Variants in CADPS2 observed in about 807,000 individuals in gnomAD.
The protein encoded by CADPS2 is calcium dependent secretion activator 2, also known as calcium-dependent secretion activator 2.
CADPS2 carries 93 observed loss-of-function variants against 172.5 expected under a neutral mutation model. The ratio of observed to expected loss-of-function variants is 0.54; its 90% CI spans 0.46 to 0.64. CADPS2 has a LOEUF of 0.64. Among genes scored for constraint, CADPS2 ranks in the 30% least tolerant of loss-of-function variants. The pLI is 0.00. For synonymous variants in CADPS2, 546 were observed against 555.2 expected, an observed-to-expected ratio of 0.98 and a Z score of 0.23; for missense variants, 1,420 against 1,565.9, an observed-to-expected ratio of 0.91 and a Z score of 1.57.
At chr7:122,435,508 A>G (rs2050519373) in intron 17 of CADPS2, among the ~76,000 whole-genome samples, 1 of 152,098 alleles carries the variant, frequency 6.6e-6, no homozygotes. Context: ...CAAACAAACA[A>G]AACAAGAGAT....
chr7:122,756,140 T>C (rs567643342), intron 1 of CADPS2, among the ~76,000 whole-genome samples: 15 of 152,200 alleles, frequency 9.9e-5, no homozygotes, highest in Non-Finnish European at 1.9e-4. Flanking sequence ...TTCAGATTCA[T>C]TGAATAGTTA....
At chr7:122,744,511 A>G (rs1425443667) in intron 1 of CADPS2, among the ~76,000 whole-genome samples, 1 of 152,104 alleles carries the variant, frequency 6.6e-6, no homozygotes, top group Admixed American at 6.6e-5. Flanking sequence ...TCATATGAAA[A>G]ACTCCTTATC....
chr7:122,766,767 T>C (rs896244276), intron 1 of CADPS2, among the ~76,000 whole-genome samples: 1 of 152,154 alleles, frequency 6.6e-6, no homozygotes, highest in Non-Finnish European at 1.5e-5. Context: ...CAGCAGATCA[T>C]GACATCATAG....
intron 3 of CADPS2, among the ~76,000 whole-genome samples, chr7:122,631,612 C>G (rs893130178): frequency 6.6e-6 from 1 of 151,788 alleles, no homozygotes; most frequent in Admixed American, 6.6e-5. Context: ...GACTTGATCA[C>G]ATTTGTCTGA....
chr7:122,649,847 G>A (rs2078947677), intron 3 of CADPS2, among the ~76,000 whole-genome samples: 1 of 132,346 alleles, frequency 7.6e-6, no homozygotes, highest in Non-Finnish European at 1.6e-5. Context: ...TGTCATTTAT[G>A]TATTTTCACT....
In CADPS2 at chr7:122,653,474, T is replaced by A. The variant is rs1305151888; in HGVS notation, c.786+9763A>T. ...TTCCTTTCTATAAAGAACAGGCTAGTTTCTGTGATTTCTATTGCTTTGCCT... is the reference window on the plus strand; with the variant it reads ...TTCCTTTCTATAAAGAACAGGCTAGATTCTGTGATTTCTATTGCTTTGCCT... On this transcript the variant is annotated intron_variant, in intron 3 of 29. Transcript: ENST00000449022. Among the ~76,000 whole-genome samples, 6 of 152,222 alleles carry A rather than the reference T, an allele frequency of 3.9e-5. No homozygotes were observed. In the East Asian group the frequency reaches 1.2e-3, roughly 29 times the overall value.
At chr7:122,661,811 T>G (rs1039373110) in intron 3 of CADPS2, among the ~76,000 whole-genome samples, 2 of 152,226 alleles carry the variant, frequency 1.3e-5, no homozygotes. Context: ...CTACTGAATG[T>G]CTGAATCTGA....
At chr7:122,549,536 G>A (rs755819848) in intron 8 of CADPS2, among the ~76,000 whole-genome samples, 22 of 151,970 alleles carry the variant, frequency 1.4e-4, no homozygotes, top group Non-Finnish European at 3.1e-4. Flanking sequence ...TGGGAGGACT[G>A]CTTAAGCCTA....
intron 2 of CADPS2, among the ~76,000 whole-genome samples, chr7:122,683,712 C>T (rs1250315223): frequency 1.3e-5 from 2 of 150,760 alleles, no homozygotes; most frequent in African/African-American, 2.4e-5. Context: ...GGGCGGTCCT[C>T]TAATAAGCTT....
At chr7:122,688,173 G>A (rs2083876241) in intron 2 of CADPS2, among the ~76,000 whole-genome samples, 1 of 152,184 alleles carries the variant, frequency 6.6e-6, no homozygotes, top group African/African-American at 2.4e-5. Context: ...CTGTATCCAT[G>A]GTGTGTTGGT....
intron 2 of CADPS2, among the ~76,000 whole-genome samples, chr7:122,676,243 C>T (rs1311283826): frequency 6.6e-6 from 1 of 152,084 alleles, no homozygotes; most frequent in Admixed American, 6.5e-5. Flanking sequence ...TTAGAGTAGA[C>T]AATAAAATAA....
At chr7:122,878,443 G>A (rs1412960882) in intron 1 of CADPS2, among the ~76,000 whole-genome samples, 1 of 151,522 alleles carries the variant, frequency 6.6e-6, no homozygotes, top group Non-Finnish European at 1.5e-5. Context: ...ACAACGTCAG[G>A]AGATCGAGAC....
At chr7:122,645,453 A>T (rs1381336536) in intron 3 of CADPS2, among the ~76,000 whole-genome samples, 4 of 87,068 alleles carry the variant, frequency 4.6e-5, no homozygotes, top group Non-Finnish European at 2.5e-5. Flanking sequence ...ACACACACAT[A>T]TGTATATATG....
At chr7:122,519,597 T>G (rs2060625715) in intron 8 of CADPS2, among the ~76,000 whole-genome samples, 1 of 151,786 alleles carries the variant, frequency 6.6e-6, no homozygotes. Flanking sequence ...CACTATTTGC[T>G]CCAAAGAAAC....
intron 2 of CADPS2, chr7:122,697,926 A>G (rs1588501625): frequency 1.2e-6 from 2 of 1,613,854 alleles, no homozygotes; most frequent in Non-Finnish European, 1.7e-6. Flanking sequence ...CCTCTTCACT[A>G]GGTGATAAGG....
At chr7:122,629,584 T>A (rs1419891540) in intron 3 of CADPS2, among the ~76,000 whole-genome samples, 1 of 152,114 alleles carries the variant, frequency 6.6e-6, no homozygotes, top group Non-Finnish European at 1.5e-5. Flanking sequence ...GATTTCTTGA[T>A]CATTAAGTCA....
At chr7:122,737,953 G>A (rs1442181662) in intron 1 of CADPS2, among the ~76,000 whole-genome samples, 2 of 152,052 alleles carry the variant, frequency 1.3e-5, no homozygotes, top group African/African-American at 4.8e-5. Flanking sequence ...ATCAATACCT[G>A]AGTTTAGATA....
At chr7:122,524,624 G>T (rs565974865) in intron 8 of CADPS2, among the ~76,000 whole-genome samples, 1 of 152,284 alleles carries the variant, frequency 6.6e-6, no homozygotes, top group South Asian at 2.1e-4. Flanking sequence ...GGGGAGAATA[G>T]TGTATGTGGT....
rs2082415226 is a variant in CADPS2, at chr7:122,676,720, A to T, written c.454-13151T>A. On this transcript the variant is annotated intron_variant, in intron 2 of 29. Coordinates refer to ENST00000449022, the MANE Select transcript of CADPS2 (RefSeq NM_017954.11). ...CCTGGAGGTGCTGTACAGGAAGGAC[A>T]TGGGGCCAACTCAGAGGCAGATCCA... The T allele has an allele frequency of 7.7e-6, 12 of 1,567,038 alleles. No individual in the cohort carries two copies. The South Asian group carries it at 1.4e-4, about 18-fold the overall frequency.
Sources: gnomAD v4.1 joint callset for allele counts (sites outside exome capture counted in the v4.1 genomes callset) on GRCh38, gnomAD v4.1.1 for gene constraint, MANE v1.5 for transcripts, NCBI Gene and HGNC (gene_info 2026-07-23, HGNC 2026-07-21) for gene names.